The following FER1L6 variants were observed in gnomAD, a reference collection of about 807,000 sequenced individuals.
The protein encoded by FER1L6 is fer-1-like protein 6.
Under a neutral mutation model 219.2 loss-of-function variants are expected in FER1L6, and 177 were observed. That is an observed-to-expected ratio of 0.81 (90% CI 0.71 to 0.91). The LOEUF is 0.91. FER1L6 is among the 40% of genes least tolerant of loss of function. The probability of loss-of-function intolerance (pLI) is 0.00; values close to 1 mark genes in which losing one functional copy is unlikely to be tolerated. For synonymous variants in FER1L6, 768 were observed against 824.3 expected (o/e 0.93, Z 1.17); for missense variants, 2,153 against 2,259.9 (o/e 0.95, Z 0.96).
rs1239521039 is a variant in FER1L6 at position 123,899,590 on chromosome 8, C to T, written c.-8+47405C>T. 7.2e-5 allele frequency among the ~76,000 whole-genome samples: 11 copies of T among 152,152 alleles called. No individual in the cohort carries two copies. The East Asian group carries it at 2.1e-3, about 29-fold the overall frequency. ...CTTGGTCATGAAATCCTTGCCTAAG[C>T]CAATGTCCAGAAGAGTTTTTCCAAT... On this transcript the variant is annotated intron_variant, in intron 1 of 40. Coordinates refer to ENST00000522917, the MANE Select transcript of FER1L6 (RefSeq NM_001039112.2).
At chr8:123,964,148 GTAGGC>G (rs1815427873) in intron 3 of FER1L6, among the ~76,000 whole-genome samples, 1 of 152,212 alleles carries the variant, frequency 6.6e-6, no homozygotes, top group Non-Finnish European at 1.5e-5. Flanking sequence ...CTCTTGAGGT[GTAGGC>G]TTTGAACTGG....
At chr8:123,977,122 G>A (rs1054232294) in intron 9 of FER1L6, among the ~76,000 whole-genome samples, 1 of 152,154 alleles carries the variant, frequency 6.6e-6, no homozygotes, top group African/African-American at 2.4e-5. Context: ...ATGAGCTCAT[G>A]GTCTAACTAC....
At chr8:124,027,518 C>T (rs539639670) in intron 18 of FER1L6, among the ~76,000 whole-genome samples, 3 of 152,092 alleles carry the variant, frequency 2.0e-5, no homozygotes, top group Non-Finnish European at 2.9e-5. Flanking sequence ...TCATATCCAG[C>T]GAGTTGTCTG....
chr8:124,045,794 T>C lies in FER1L6; in HGVS notation c.2617T>C (p.Trp873Arg). Residue 873 changes from tryptophan (W) to arginine (R), a missense_variant, in exon 21 of 41, where the codon TGG becomes CGG. Transcript: ENST00000522917. Reference protein sequence around the residue: ...KIISQTLSPTWNQMLLFNDLV... With the variant: ...KIISQTLSPTRNQMLLFNDLV... ...AATCTCCCAGACCCTCTCTCCGACC[T>C]GGAACCAGATGCTGCTGTTCAATGA... The C allele has an allele frequency of 6.2e-7, 1 of 1,614,118 alleles. No individual in the cohort carries two copies. Among genetic ancestry groups the C allele is most frequent in the Non-Finnish European group, 8.5e-7 (1 of 1,180,004 alleles).
In FER1L6 at chr8:123,895,649, G is replaced by C. The variant is rs560358918; in HGVS notation, c.-8+43464G>C. Among the ~76,000 whole-genome samples, 38 of 152,128 alleles carry C rather than the reference G, an allele frequency of 2.5e-4. 1 individual carries two copies. Among genetic ancestry groups the C allele is most frequent in the African/African-American group, 8.7e-4 (36 of 41,428 alleles). ...AAAGCTGAATATATTGTGAGTCAGCGAGTAACTTGTGCTAATGGAGAAAAC... is the reference window on the plus strand; with the variant it reads ...AAAGCTGAATATATTGTGAGTCAGCCAGTAACTTGTGCTAATGGAGAAAAC... On this transcript the variant is annotated intron_variant, in intron 1 of 40. Transcript: ENST00000522917.
At chr8:124,003,478 T>G in intron 13 of FER1L6, 131 bp downstream of exon 13, 1 of 676,652 alleles carries the variant, frequency 1.5e-6, no homozygotes, top group South Asian at 2.3e-5. Flanking sequence ...TTTTTTTTTT[T>G]TTTGAGACGG....
chr8:124,113,609 A>T (rs1258207421), intron 39 of FER1L6, among the ~76,000 whole-genome samples: 2 of 152,174 alleles, frequency 1.3e-5, no homozygotes, highest in Non-Finnish European at 1.5e-5. Context: ...AACAAGACTC[A>T]ATCATGGTTT....
intron 1 of FER1L6, among the ~76,000 whole-genome samples, chr8:123,939,825 C>T (rs1814160325): frequency 6.6e-6 from 1 of 152,180 alleles, no homozygotes; most frequent in South Asian, 2.1e-4. Flanking sequence ...AGTTGCACCC[C>T]TTGTTAGAAT....
chr8:124,069,062 G>A (rs569545061), intron 28 of FER1L6, among the ~76,000 whole-genome samples: 522 of 150,732 alleles, frequency 3.5e-3, no homozygotes, highest in Non-Finnish European at 5.3e-3. Flanking sequence ...TCAGCCTCCC[G>A]AGTAGCTGGG....
chr8:123,906,808 GAAAAAAAAA>G (rs11350871), intron 1 of FER1L6, among the ~76,000 whole-genome samples: 1 of 137,210 alleles, frequency 7.3e-6, no homozygotes. Flanking sequence ...ATCTCCGGAA[GAAAAAAAAA>G]AAAAAAAGAT....
At chr8:123,942,330 T>A (rs750227297) in intron 1 of FER1L6, among the ~76,000 whole-genome samples, 1 of 152,170 alleles carries the variant, frequency 6.6e-6, no homozygotes, top group South Asian at 2.1e-4. Flanking sequence ...CCCAGCACCA[T>A]ACCTAAAACA....
rs748868511 is a variant in FER1L6 at position 124,064,523 on chromosome 8, C to G, written c.3505C>G (p.Pro1169Ala). The change falls in exon 26 of 41, where the codon CCT becomes GCT. Residue 1169 changes from proline to alanine, a missense_variant. Coordinates refer to ENST00000522917, the MANE Select transcript of FER1L6 (RefSeq NM_001039112.2). ...CCCTGACTCATCCCCGATGCTGGAG[C>G]CTGAACACACACCTGTAGCCCAGGA... is the stretch of plus-strand genomic sequence containing the variant. ...DVPDSSPMLEPEHTPVAQEPP... is the reference protein window; with the variant it reads ...DVPDSSPMLEAEHTPVAQEPP... 1.9e-6 allele frequency: 3 copies of G among 1,613,696 alleles called. No homozygotes were observed. Among genetic ancestry groups the G allele is most frequent in the African/African-American group, 1.3e-5 (1 of 75,012 alleles).
At chr8:124,010,036 G>C (rs948832353) in intron 13 of FER1L6, among the ~76,000 whole-genome samples, 1 of 151,950 alleles carries the variant, frequency 6.6e-6, no homozygotes, top group Admixed American at 6.6e-5. Context: ...TTTGAGGGTC[G>C]TGGAACTGCA....
At chr8:124,005,758 C>T (rs1285525134) in intron 13 of FER1L6, among the ~76,000 whole-genome samples, 1 of 152,174 alleles carries the variant, frequency 6.6e-6, no homozygotes, top group East Asian at 1.9e-4. Context: ...GGAACAGAGT[C>T]AGGTGAGTAA....
chr8:124,023,361 G>A (rs1818546912), intron 17 of FER1L6, 83 bp from the exon 18 acceptor site: 1 of 1,350,392 alleles, frequency 7.4e-7, no homozygotes, highest in African/African-American at 1.5e-5. Flanking sequence ...TTTCAGGATA[G>A]CAGAACTCTG....
chr8:124,044,230 C>T (rs1819625522), intron 20 of FER1L6, among the ~76,000 whole-genome samples: 1 of 152,232 alleles, frequency 6.6e-6, no homozygotes. Context: ...ATGTCACTGA[C>T]ACAGGGTAAC....
rs200605401 is a variant in FER1L6 at position 123,946,203 on chromosome 8, G to T, written c.-7-9789G>T. 3.3e-5 allele frequency among the ~76,000 whole-genome samples: 5 copies of T among 152,190 alleles called. No individual in the cohort carries two copies. In the East Asian group the frequency reaches 7.7e-4, roughly 23 times the overall value. ...TTGAACTGGTTCTTTCTTTTCTCTG[G>T]ACTGGACCTCAATTTTGCTATCTGT... On this transcript the variant is annotated intron_variant, in intron 1 of 40. Coordinates refer to ENST00000522917, the MANE Select transcript of FER1L6 (RefSeq NM_001039112.2).
chr8:123,977,433 A>C lies in FER1L6; in HGVS notation c.887A>C (p.Gln296Pro). ...FAGQMGRTTV[Q>P]KNCADPVWHE... ...TGTTTTTAGGGGCGAACCACAGTGC[A>C]GAAGAACTGTGCTGATCCTGTGTGG... Residue 296 changes from glutamine to proline, a missense_variant, in exon 10 of 41, where the codon CAG (glutamine) becomes CCG (proline). By Grantham distance (76) the Gln-to-Pro change is moderately conservative. Coordinates refer to ENST00000522917, the MANE Select transcript of FER1L6 (RefSeq NM_001039112.2). 1 of 1,613,900 alleles carries C rather than the reference A, an allele frequency of 6.2e-7. No homozygotes were observed. Among genetic ancestry groups the C allele is most frequent in the Non-Finnish European group, 8.5e-7 (1 of 1,179,886 alleles).
At chr8:124,038,872 A>G (rs1184910266) in intron 19 of FER1L6, among the ~76,000 whole-genome samples, 2 of 152,246 alleles carry the variant, frequency 1.3e-5, no homozygotes, top group Non-Finnish European at 2.9e-5. Flanking sequence ...AGTCTGCACA[A>G]AAACAGACAC....
Sources: gnomAD v4.1 joint callset for allele counts (sites outside exome capture counted in the v4.1 genomes callset) on GRCh38, gnomAD v4.1.1 for gene constraint, MANE v1.5 for transcripts, NCBI Gene and HGNC (gene_info 2026-07-23, HGNC 2026-07-21) for gene names.